The following LMBRD1 variants were observed in gnomAD, a reference collection of about 807,000 sequenced individuals.
LMBRD1 encodes LMBR1 domain containing 1.
Under a neutral mutation model 74.8 loss-of-function variants are expected in LMBRD1, and 64 were observed. The observed-to-expected ratio is 0.86, with a 90% CI of 0.70 to 1.05. LMBRD1 has a LOEUF of 1.05. Among genes scored for constraint, LMBRD1 ranks in the 50% least tolerant of loss-of-function variants. The probability of loss-of-function intolerance (pLI) is 0.00; values close to 1 mark genes in which losing one functional copy is unlikely to be tolerated. For missense variants in LMBRD1, 652 were observed against 645.9 expected (o/e 1.01, Z -0.10); for synonymous variants, 204 against 216.3 (o/e 0.94, Z 0.50).
intron 3 of LMBRD1, among the ~76,000 whole-genome samples, chr6:69,766,655 C>T (rs1322334681): frequency 2.0e-5 from 3 of 151,724 alleles, no homozygotes; most frequent in Admixed American, 2.0e-4. Flanking sequence ...GAAATAATGG[C>T]CTCAAGTGAG....
chr6:69,682,706 GATAAA>G (rs1234057895), intron 14 of LMBRD1, among the ~76,000 whole-genome samples: 1 of 151,890 alleles, frequency 6.6e-6, no homozygotes, highest in African/African-American at 2.4e-5. Context: ...TTTAACTTTT[GATAAA>G]ATAAAAGTAG....
chr6:69,709,456 TC>T (rs1164407478), intron 9 of LMBRD1, among the ~76,000 whole-genome samples: 1 of 152,090 alleles, frequency 6.6e-6, no homozygotes, highest in Non-Finnish European at 1.5e-5. Context: ...ATTACCCTAT[TC>T]CTAACTTAGG....
chr6:69,738,488 A>T (rs1484540847), intron 6 of LMBRD1, among the ~76,000 whole-genome samples: 2 of 152,180 alleles, frequency 1.3e-5, no homozygotes, highest in Non-Finnish European at 2.9e-5. Context: ...ATAGATAATC[A>T]AAAACTAAAA....
intron 6 of LMBRD1, 32 bp downstream of exon 6, chr6:69,741,757 C>T (rs1767107189): frequency 8.0e-7 from 1 of 1,253,164 alleles, no homozygotes; most frequent in Non-Finnish European, 1.2e-6. Context: ...GAAATATAAA[C>T]TACTATGTTT....
intron 7 of LMBRD1, among the ~76,000 whole-genome samples, chr6:69,736,923 A>T (rs1011042644): frequency 1.3e-5 from 2 of 152,214 alleles, no homozygotes; most frequent in Non-Finnish European, 2.9e-5. Context: ...ATATTAGATG[A>T]CAAGTTCCTT....
chr6:69,765,412 T>A (rs1426429572), intron 3 of LMBRD1, among the ~76,000 whole-genome samples: 1 of 152,194 alleles, frequency 6.6e-6, no homozygotes, highest in African/African-American at 2.4e-5. Context: ...TGAAAATCAA[T>A]TGACCATGAA....
intron 14 of LMBRD1, among the ~76,000 whole-genome samples, chr6:69,695,553 C>T (rs1765977429): frequency 6.6e-6 from 1 of 152,168 alleles, no homozygotes; most frequent in Non-Finnish European, 1.5e-5. Flanking sequence ...CACATCATCC[C>T]ACATCTTTTA....
Position 69,676,064 on chromosome 6 carries a change from A to C in LMBRD1, c.*94T>G, listed in dbSNP as rs1765536731. The C allele has an allele frequency of 2.1e-6, 2 of 961,134 alleles. No individual in the cohort carries two copies. The highest frequency in any genetic ancestry group is 1.4e-5 in the South Asian group (1 of 73,134). 59.5% of individuals were successfully genotyped at this position (961,134 alleles called of 1,614,324 possible). The stretch of plus-strand genomic sequence containing the variant: ...ATAGCCATGCTCCCATTTTTGATGA[A>C]AGCTAGTTAGCAAATCCTAATGTTA... On this transcript the variant is annotated 3_prime_UTR_variant, in exon 16 of 16. Transcript: ENST00000649934.
intron 2 of LMBRD1, among the ~76,000 whole-genome samples, chr6:69,788,670 A>G (rs1205647732): frequency 2.0e-5 from 3 of 152,258 alleles, no homozygotes; most frequent in Non-Finnish European, 4.4e-5. Flanking sequence ...AAACCCAATG[A>G]CACCAGTAAA....
intron 3 of LMBRD1, among the ~76,000 whole-genome samples, chr6:69,763,683 A>G (rs774377785): frequency 6.6e-6 from 1 of 152,216 alleles, no homozygotes; most frequent in Non-Finnish European, 1.5e-5. Flanking sequence ...ACTCCTACCC[A>G]TCAGAGCCTT....
intron 9 of LMBRD1, among the ~76,000 whole-genome samples, chr6:69,706,455 ATTGT>A (rs2149848384): frequency 1.3e-5 from 2 of 152,312 alleles, no homozygotes; most frequent in East Asian, 3.9e-4. Context: ...TCAGAGAAAA[ATTGT>A]TTGTAATATA....
At chr6:69,775,006 G>GAA (rs1765666246) in intron 3 of LMBRD1, among the ~76,000 whole-genome samples, 1 of 60,912 alleles carries the variant, frequency 1.6e-5, no homozygotes, top group East Asian at 6.1e-4. Flanking sequence ...AGGGAGGGAG[G>GAA]GAGGGAGGGA....
chr6:69,676,295 G>A (rs1276046291), intron 15 of LMBRD1, 24 bp from the exon 16 acceptor site: 3 of 1,606,516 alleles, frequency 1.9e-6, no homozygotes, highest in African/African-American at 1.3e-5. Context: ...TAAGCCATGT[G>A]TTATTTTTCA....
At chr6:69,702,694 G>A (rs974593466) in intron 9 of LMBRD1, among the ~76,000 whole-genome samples, 10 of 151,910 alleles carry the variant, frequency 6.6e-5, no homozygotes, top group African/African-American at 2.4e-4. Context: ...CTTTTTCCCC[G>A]AAATCTTCCC....
At position 69,784,835 on chromosome 6, in the gene LMBRD1, A is replaced by G. The variant is rs117617017; in HGVS notation, c.247-4281T>C. Among the ~76,000 whole-genome samples, 823 of 152,274 alleles carry G rather than the reference A, an allele frequency of 5.4e-3. 5 individuals are homozygous for G. The highest frequency in any genetic ancestry group is 7.6e-3 in the Non-Finnish European group (520 of 68,020). On this transcript the variant is annotated intron_variant, in intron 2 of 15. Transcript: ENST00000649934. ...ACCTGCAATACCTTCTCTCCCCTCA[A>G]AAATTTCTCTCACTGTACTGAATTC...
At chr6:69,744,223 T>TA (rs1004119594) in intron 5 of LMBRD1, among the ~76,000 whole-genome samples, 3 of 151,856 alleles carry the variant, frequency 2.0e-5, no homozygotes, top group Non-Finnish European at 2.9e-5. Flanking sequence ...TCAGCCCTTC[T>TA]AAAAAAAATG....
chr6:69,695,212 G>A (rs1247271686), intron 14 of LMBRD1, among the ~76,000 whole-genome samples: 1 of 150,988 alleles, frequency 6.6e-6, no homozygotes, highest in Non-Finnish European at 1.5e-5. Context: ...TGCTCCACTA[G>A]TTCCATCCCA....
chr6:69,754,577 G>C (rs1462252061), intron 3 of LMBRD1, among the ~76,000 whole-genome samples: 1 of 152,176 alleles, frequency 6.6e-6, no homozygotes, highest in Non-Finnish European at 1.5e-5. Context: ...TGAAATTTAT[G>C]CAGGCTTTTA....
intron 7 of LMBRD1, among the ~76,000 whole-genome samples, chr6:69,732,314 G>C (rs1159993992): frequency 6.6e-6 from 1 of 152,120 alleles, no homozygotes; most frequent in Non-Finnish European, 1.5e-5. Flanking sequence ...GCCCTTATAA[G>C]AAGGGTCACA....
Sources: gnomAD v4.1 joint callset for allele counts (sites outside exome capture counted in the v4.1 genomes callset) on GRCh38, gnomAD v4.1.1 for gene constraint, MANE v1.5 for transcripts, NCBI Gene and HGNC (gene_info 2026-07-23, HGNC 2026-07-21) for gene names.